The following NCAM2 variants were observed in gnomAD, a reference collection of about 807,000 sequenced individuals.
NCAM2 encodes the protein N-CAM-2.
Under a neutral mutation model 98.1 loss-of-function variants are expected in NCAM2, and 30 were observed. That is an observed-to-expected ratio of 0.31 (90% CI 0.23 to 0.41). The LOEUF (loss-of-function observed/expected upper bound fraction) is 0.41. Among genes scored for constraint, NCAM2 ranks in the 10% least tolerant of loss-of-function variants. The pLI, the probability that NCAM2 is intolerant of heterozygous loss-of-function variation, is 1.00. For synonymous variants in NCAM2, 368 were observed against 342.4 expected (o/e 1.07, Z -0.83); for missense variants, 867 against 1,005.8 (o/e 0.86, Z 1.87).
intron 12 of NCAM2, among the ~76,000 whole-genome samples, chr21:21,455,884 A>T (rs1015462161): frequency 2.0e-5 from 3 of 152,062 alleles, no homozygotes; most frequent in African/African-American, 7.2e-5. Flanking sequence ...ATTAGAATTA[A>T]TGGAGATATC....
At chr21:21,217,100 G>C (rs1227313973) in intron 1 of NCAM2, among the ~76,000 whole-genome samples, 2 of 152,132 alleles carry the variant, frequency 1.3e-5, no homozygotes, top group African/African-American at 4.8e-5. Flanking sequence ...AGGGTGCCAG[G>C]GAGTTTTTCT....
chr21:21,309,457 A>T (rs2073979003), intron 5 of NCAM2, among the ~76,000 whole-genome samples: 2 of 152,126 alleles, frequency 1.3e-5, no homozygotes, highest in Non-Finnish European at 2.9e-5. Flanking sequence ...TTTATCTGTC[A>T]TGCATTAGGA....
intron 1 of NCAM2, among the ~76,000 whole-genome samples, chr21:21,262,469 A>C (rs1254658815): frequency 6.6e-6 from 1 of 152,094 alleles, no homozygotes; most frequent in Non-Finnish European, 1.5e-5. Flanking sequence ...TCAACAAAAT[A>C]CTTGCAAGAA....
At chr21:21,268,661 A>T (rs2072381503) in intron 1 of NCAM2, among the ~76,000 whole-genome samples, 3 of 152,120 alleles carry the variant, frequency 2.0e-5, no homozygotes, top group South Asian at 2.1e-4. Context: ...TATATCTGAT[A>T]TCCCCATAAT....
intron 1 of NCAM2, among the ~76,000 whole-genome samples, chr21:21,066,788 G>A (rs7280397): frequency 0.23 from 35,484 of 151,850 alleles, 4,977 homozygotes; most frequent in African/African-American, 0.38. Flanking sequence ...TTTGTTTACA[G>A]GTGTTTAATG....
At chr21:21,297,524 A>G (rs1260269068) in intron 5 of NCAM2, among the ~76,000 whole-genome samples, 2 of 151,768 alleles carry the variant, frequency 1.3e-5, no homozygotes, top group African/African-American at 2.4e-5. Flanking sequence ...TAACAGAGAC[A>G]TTGACTGAAT....
intron 14 of NCAM2, among the ~76,000 whole-genome samples, chr21:21,475,649 T>C (rs1284553527): frequency 6.6e-6 from 1 of 152,178 alleles, no homozygotes; most frequent in Non-Finnish European, 1.5e-5. Context: ...CATAATACTT[T>C]AAGTAGTACT....
chr21:21,099,866 G>A (rs1468753930), intron 1 of NCAM2, among the ~76,000 whole-genome samples: 2 of 151,772 alleles, frequency 1.3e-5, no homozygotes, highest in East Asian at 3.9e-4. Flanking sequence ...CTACACTACT[G>A]ACCGTACCTT....
At chr21:21,366,315 C>A (rs911998574) in intron 8 of NCAM2, among the ~76,000 whole-genome samples, 1 of 151,996 alleles carries the variant, frequency 6.6e-6, no homozygotes, top group Admixed American at 6.6e-5. Flanking sequence ...CTTAAAAAAA[C>A]AACCTCTCAT....
chr21:21,242,962 A>T (rs2071126866), intron 1 of NCAM2, among the ~76,000 whole-genome samples: 1 of 152,190 alleles, frequency 6.6e-6, no homozygotes, highest in Non-Finnish European at 1.5e-5. Flanking sequence ...ATAGGGAAAG[A>T]TAATTATTCT....
chr21:21,252,332 C>T (rs997390449), intron 1 of NCAM2, among the ~76,000 whole-genome samples: 1 of 150,542 alleles, frequency 6.6e-6, no homozygotes, highest in Non-Finnish European at 1.5e-5. Context: ...ATAAGCTATC[C>T]AAATATGCCC....
At chr21:21,377,455 A>G (rs971746216) in intron 9 of NCAM2, among the ~76,000 whole-genome samples, 1 of 151,866 alleles carries the variant, frequency 6.6e-6, no homozygotes, top group Non-Finnish European at 1.5e-5. Flanking sequence ...TTACTTTATT[A>G]TCTTTGAAAT....
intron 15 of NCAM2, among the ~76,000 whole-genome samples, chr21:21,480,578 C>G (rs1372706597): frequency 1.3e-5 from 2 of 151,800 alleles, no homozygotes; most frequent in Admixed American, 1.3e-4. Flanking sequence ...TAGATAAGGT[C>G]AGAGAGGGAA....
At chr21:21,353,319 G>T (rs560428272) in intron 8 of NCAM2, among the ~76,000 whole-genome samples, 12 of 152,090 alleles carry the variant, frequency 7.9e-5, no homozygotes, top group African/African-American at 2.9e-4. Context: ...TTGTGCTTCC[G>T]TATAGCTACA....
intron 1 of NCAM2, among the ~76,000 whole-genome samples, chr21:21,198,054 A>T (rs1243179261): frequency 6.6e-6 from 1 of 152,220 alleles, no homozygotes; most frequent in Non-Finnish European, 1.5e-5. Flanking sequence ...TCTTATGGGT[A>T]ATCATGTGAG....
chr21:21,373,013 T>C (rs2075954464), intron 8 of NCAM2, among the ~76,000 whole-genome samples: 1 of 151,874 alleles, frequency 6.6e-6, no homozygotes, highest in African/African-American at 2.4e-5. Flanking sequence ...ATAATGTATT[T>C]TGTTGTTATA....
chr21:21,507,429 G>C (rs1004382807), intron 15 of NCAM2, among the ~76,000 whole-genome samples: 2 of 152,028 alleles, frequency 1.3e-5, no homozygotes, highest in Admixed American at 6.6e-5. Flanking sequence ...TCTGTCACTT[G>C]TGTTTCACAT....
At chr21:21,271,448 A>G (rs1385616419) in intron 1 of NCAM2, among the ~76,000 whole-genome samples, 1 of 152,242 alleles carries the variant, frequency 6.6e-6, no homozygotes, top group African/African-American at 2.4e-5. Context: ...TTTTAGATTA[A>G]TTTTAACTTA....
intron 12 of NCAM2, among the ~76,000 whole-genome samples, chr21:21,435,416 G>A (rs1468708147): frequency 6.6e-6 from 1 of 152,104 alleles, no homozygotes; most frequent in Non-Finnish European, 1.5e-5. Flanking sequence ...CACTTACTGG[G>A]AGGGAAGCAT....
Sources: allele counts gnomAD v4.1 joint callset (sites outside exome capture counted in the v4.1 genomes callset), GRCh38; gene constraint gnomAD v4.1.1; transcripts MANE v1.5; gene names NCBI Gene and HGNC (gene_info 2026-07-23, HGNC 2026-07-21).